PCDH7: variants seen among roughly 807,000 people sequenced by gnomAD.
The protein encoded by PCDH7 is protocadherin 7.
Under a neutral mutation model 58.9 loss-of-function variants are expected in PCDH7, and 17 were observed. The observed-to-expected ratio is 0.29, with a 90% CI of 0.20 to 0.43. The LOEUF is 0.43. PCDH7 is among the 20% of genes least tolerant of loss of function. PCDH7 has a pLI of 1.00. For synonymous variants in PCDH7, 664 were observed against 616.4 expected (o/e 1.08, Z -1.14); for missense variants, 1,274 against 1,441.0 (o/e 0.88, Z 1.88).
Position 30,979,092 on chromosome 4 carries a change from C to T in PCDH7, c.*7+28877C>T, listed in dbSNP as rs192406662. Among the ~76,000 whole-genome samples, 259 of 151,690 alleles carry T rather than the reference C, an allele frequency of 1.7e-3. 1 individual carries two copies. Among genetic ancestry groups the T allele is most frequent in the African/African-American group, 5.9e-3 (244 of 41,412 alleles). The stretch of plus-strand genomic sequence containing the variant: ...GATCCTTAAAAAAAAATTGGGGGGC[C>T]GAGGCAGGCAGATCACGAGGTCAGG... On this transcript the variant is annotated intron_variant, in intron 3 of 3. Transcript: ENST00000509759.
intron 1 of PCDH7, among the ~76,000 whole-genome samples, chr4:30,751,290 A>G (rs1025424300): frequency 1.3e-5 from 2 of 152,190 alleles, no homozygotes; most frequent in African/African-American, 4.8e-5. Context: ...AGTGAGCTTA[A>G]CTCAGTGAAA....
At chr4:30,855,153 T>A (rs7676204) in intron 1 of PCDH7, among the ~76,000 whole-genome samples, 13,891 of 152,208 alleles carry the variant, frequency 0.091, 781 homozygotes, top group Non-Finnish European at 0.12. Flanking sequence ...AAGCCACACA[T>A]TGGTGAAGCA....
chr4:31,079,082 A>G (rs1203633030), intron 3 of PCDH7, among the ~76,000 whole-genome samples: 8 of 151,856 alleles, frequency 5.3e-5, no homozygotes, highest in Non-Finnish European at 1.2e-4. Context: ...TAACATTTAA[A>G]GATAGAAATG....
intron 1 of PCDH7, among the ~76,000 whole-genome samples, chr4:30,843,199 T>C (rs1189231033): frequency 6.6e-6 from 1 of 152,086 alleles, no homozygotes; most frequent in Non-Finnish European, 1.5e-5. Context: ...TATAGAACTT[T>C]ATTATTTATT....
intron 3 of PCDH7, among the ~76,000 whole-genome samples, chr4:30,958,786 AT>A (rs1344591412): frequency 5.9e-5 from 9 of 152,048 alleles, no homozygotes; most frequent in African/African-American, 1.2e-4. Context: ...AACTATTGCT[AT>A]TATTGAAATA....
intron 3 of PCDH7, among the ~76,000 whole-genome samples, chr4:30,995,853 T>C (rs1193890032): frequency 6.6e-6 from 1 of 152,126 alleles, no homozygotes. Context: ...CCTCCCTGCC[T>C]CCATCTTCTC....
intron 3 of PCDH7, among the ~76,000 whole-genome samples, chr4:31,031,031 A>G (rs1754867584): frequency 6.6e-6 from 1 of 152,208 alleles, no homozygotes; most frequent in Non-Finnish European, 1.5e-5. Context: ...TAAGATCTGC[A>G]CAAAAGTACG....
chr4:30,875,224 C>T (rs1028541844), intron 1 of PCDH7, among the ~76,000 whole-genome samples: 3 of 152,038 alleles, frequency 2.0e-5, no homozygotes, highest in Admixed American at 6.6e-5. Flanking sequence ...TGGCCATCGT[C>T]GTGTTCACAT....
chr4:30,808,005 T>G (rs1324549750), intron 1 of PCDH7, among the ~76,000 whole-genome samples: 1 of 152,176 alleles, frequency 6.6e-6, no homozygotes, highest in African/African-American at 2.4e-5. Context: ...GGGCATCACC[T>G]TTTCTTAGCT....
chr4:31,111,120 A>C (rs1716247666), intron 3 of PCDH7, among the ~76,000 whole-genome samples: 1 of 152,098 alleles, frequency 6.6e-6, no homozygotes, highest in Non-Finnish European at 1.5e-5. Flanking sequence ...TGAATTCATA[A>C]TGTACAATAT....
At chr4:30,736,448 T>C (rs568737436), downstream of PCDH7, among the ~76,000 whole-genome samples, 2 of 152,218 alleles carry the variant, frequency 1.3e-5, no homozygotes, top group South Asian at 2.1e-4. Context: ...GCGACTGTGT[T>C]AACCAAGTGT....
At chr4:30,974,987 G>A (rs1210789960) in intron 3 of PCDH7, among the ~76,000 whole-genome samples, 2 of 152,136 alleles carry the variant, frequency 1.3e-5, no homozygotes, top group Non-Finnish European at 2.9e-5. Flanking sequence ...AACCATTAGA[G>A]CAAGGAGATA....
chr4:30,989,666 T>C (rs1751287472), intron 3 of PCDH7, among the ~76,000 whole-genome samples: 1 of 152,174 alleles, frequency 6.6e-6, no homozygotes, highest in Non-Finnish European at 1.5e-5. Context: ...TGGAGGTCAC[T>C]GGTCTAACAC....
intron 2 of PCDH7, among the ~76,000 whole-genome samples, chr4:30,937,572 A>C (rs1378071006): frequency 6.6e-6 from 1 of 152,266 alleles, no homozygotes; most frequent in East Asian, 1.9e-4. Flanking sequence ...GTAACAAATT[A>C]AAATAAAATG....
chr4:30,874,654 A>G (rs1015220620), intron 1 of PCDH7, among the ~76,000 whole-genome samples: 2 of 151,858 alleles, frequency 1.3e-5, no homozygotes, highest in Non-Finnish European at 2.9e-5. Context: ...ACTAACCTGC[A>G]CATTGTGCAC....
At chr4:31,084,000 T>C (rs182017060) in intron 3 of PCDH7, among the ~76,000 whole-genome samples, 1 of 152,362 alleles carries the variant, frequency 6.6e-6, no homozygotes, top group Non-Finnish European at 1.5e-5. Context: ...TCATGTGTTC[T>C]GGGTCAATAC....
intron 3 of PCDH7, among the ~76,000 whole-genome samples, chr4:31,060,409 T>C (rs1757595823): frequency 6.6e-6 from 1 of 151,786 alleles, no homozygotes; most frequent in Admixed American, 6.6e-5. Flanking sequence ...AGCTAGGTTC[T>C]TAAATGCTTT....
At chr4:30,850,524 GT>G (rs1363147668) in intron 1 of PCDH7, among the ~76,000 whole-genome samples, 1 of 152,082 alleles carries the variant, frequency 6.6e-6, no homozygotes, top group Admixed American at 6.6e-5. Flanking sequence ...ATAAACCAGG[GT>G]TTTTCTTTTT....
chr4:30,995,239 C>T (rs1436421753), intron 3 of PCDH7, among the ~76,000 whole-genome samples: 5 of 152,150 alleles, frequency 3.3e-5, no homozygotes, highest in African/African-American at 9.6e-5. Context: ...GAATGACGGC[C>T]CAGCACGGTG....
Sources: allele counts gnomAD v4.1 joint callset (sites outside exome capture counted in the v4.1 genomes callset), GRCh38; gene constraint gnomAD v4.1.1; transcripts MANE v1.5; gene names NCBI Gene and HGNC (gene_info 2026-07-23, HGNC 2026-07-21).